The following SHANK2 variants were observed in gnomAD, a reference collection of about 807,000 sequenced individuals.
SHANK2 encodes SH3 and multiple ankyrin repeat domains 2, also known as SH3 and multiple ankyrin repeat domains protein 2.
In SHANK2, 43 loss-of-function variants were observed where a neutral mutation model predicts 133.7. The observed-to-expected ratio is 0.32, with a 90% CI of 0.25 to 0.41. SHANK2 has a LOEUF of 0.41. Ranked by LOEUF, SHANK2 falls within the 10% of genes least tolerant of loss-of-function variation. The pLI, the probability that SHANK2 is intolerant of heterozygous loss-of-function variation, is 1.00. For synonymous variants in SHANK2, 1,017 were observed against 952.8 expected (o/e 1.07, Z -1.24); for missense variants, 1,994 against 2,235.8 (o/e 0.89, Z 2.18).
chr11:70,838,659 G>T (rs1555060698), intron 11 of SHANK2, among the ~76,000 whole-genome samples: 1 of 152,086 alleles, frequency 6.6e-6, no homozygotes, highest in East Asian at 1.9e-4. Context: ...CTCTCCTGTG[G>T]AAGAAATTAC....
intron 8 of SHANK2, among the ~76,000 whole-genome samples, chr11:71,087,919 G>A (rs992759226): frequency 6.6e-6 from 1 of 152,106 alleles, no homozygotes; most frequent in Non-Finnish European, 1.5e-5. Flanking sequence ...GTGAGCCACC[G>A]CACCTGGCTG....
intron 2 of SHANK2, among the ~76,000 whole-genome samples, chr11:71,186,427 T>G (rs904935836): frequency 2.0e-5 from 3 of 152,200 alleles, no homozygotes; most frequent in African/African-American, 7.2e-5. Flanking sequence ...CAGGAGTCCA[T>G]GTTGGAGACA....
At chr11:70,894,222 T>C (rs1555075258) in intron 11 of SHANK2, among the ~76,000 whole-genome samples, 1 of 151,964 alleles carries the variant, frequency 6.6e-6, no homozygotes, top group Non-Finnish European at 1.5e-5. Flanking sequence ...TGAGACAGAG[T>C]TTAGCTCTTG....
At chr11:71,250,547 G>A (rs990466029) in intron 1 of SHANK2, among the ~76,000 whole-genome samples, 3 of 152,174 alleles carry the variant, frequency 2.0e-5, no homozygotes, top group Non-Finnish European at 4.4e-5. Flanking sequence ...CCCAGATGGG[G>A]GCCGAGCTCG....
chr11:71,182,721 G>T (rs1555113953), intron 2 of SHANK2, among the ~76,000 whole-genome samples: 2 of 152,138 alleles, frequency 1.3e-5, no homozygotes, highest in East Asian at 3.9e-4. Flanking sequence ...CAGGTCGAGG[G>T]GTTAGGACTT....
intron 2 of SHANK2, among the ~76,000 whole-genome samples, chr11:71,180,554 GAAAA>G (rs1308204017): frequency 1.3e-5 from 2 of 151,666 alleles, no homozygotes; most frequent in Admixed American, 1.3e-4. Context: ...AAGAAAAAAA[GAAAA>G]AAAACCCCAC....
At chr11:70,947,594 G>T (rs1555085696) in intron 10 of SHANK2, among the ~76,000 whole-genome samples, 2 of 152,124 alleles carry the variant, frequency 1.3e-5, no homozygotes, top group African/African-American at 4.8e-5. Context: ...TTGACCTCCT[G>T]ACCTCAGGTG....
chr11:71,076,836 G>C (rs1196003877), intron 8 of SHANK2, among the ~76,000 whole-genome samples: 1 of 152,242 alleles, frequency 6.6e-6, no homozygotes, highest in Non-Finnish European at 1.5e-5. Context: ...GCTGACCTTA[G>C]AGAAGCTACC....
At chr11:70,813,248 C>A (rs1184392774) in intron 12 of SHANK2, among the ~76,000 whole-genome samples, 1 of 152,030 alleles carries the variant, frequency 6.6e-6, no homozygotes, top group Non-Finnish European at 1.5e-5. Context: ...ACAGGGCCTA[C>A]CCACAAAAGG....
At position 70,473,682 on chromosome 11, in the gene SHANK2, G is replaced by A; in HGVS notation, c.4980-243C>T. 1.7e-6 allele frequency: 1 copy of A among 601,286 alleles called. No homozygotes were observed. Among genetic ancestry groups the A allele is most frequent in the South Asian group, 1.8e-5 (1 of 56,184 alleles). 37.2% of individuals were successfully genotyped at this position (601,286 alleles called of 1,614,324 possible). A position where few individuals can be genotyped will look rare whatever the true frequency, so the allele number is the denominator to read the frequency against. ...GCCCACTCACCTGAACTGGGACAGA[G>A]GGGCTGGGGGACCTGCCTGTGCTGG... On this transcript the variant is annotated intron_variant, in intron 25 of 25. Coordinates refer to ENST00000601538, the MANE Select transcript of SHANK2 (RefSeq NM_012309.5). The surrounding 1 kb of genome is among the most constrained non-coding windows in gnomAD (Gnocchi z 5.9).
At chr11:71,156,676 T>C (rs1952911995) in intron 2 of SHANK2, among the ~76,000 whole-genome samples, 1 of 152,196 alleles carries the variant, frequency 6.6e-6, no homozygotes, top group Admixed American at 6.5e-5. Flanking sequence ...GACACATACA[T>C]TTGTGAAATG....
intron 11 of SHANK2, among the ~76,000 whole-genome samples, chr11:70,839,778 T>C (rs1948875368): frequency 1.3e-5 from 2 of 152,214 alleles, no homozygotes; most frequent in South Asian, 2.1e-4. Flanking sequence ...GTGAGGCTGG[T>C]TCTCCACCTC....
chr11:70,621,523 G>A (rs2060829167), intron 17 of SHANK2, among the ~76,000 whole-genome samples: 1 of 152,234 alleles, frequency 6.6e-6, no homozygotes, highest in African/African-American at 2.4e-5. Flanking sequence ...GCGAGGACGT[G>A]GCCCATGGCA....
intron 14 of SHANK2, among the ~76,000 whole-genome samples, chr11:70,794,995 CA>C (rs1384230239): frequency 7.9e-5 from 12 of 152,038 alleles, no homozygotes; most frequent in Non-Finnish European, 1.8e-4. Context: ...GAAGATAATA[CA>C]AAAGAAGGTG....
At chr11:70,881,786 G>A (rs543297498) in intron 11 of SHANK2, among the ~76,000 whole-genome samples, 13 of 151,000 alleles carry the variant, frequency 8.6e-5, no homozygotes, top group Admixed American at 2.0e-4. Context: ...CTACAGTGCC[G>A]TGGCCCCATC....
chr11:70,831,913 C>T (rs534458076), intron 11 of SHANK2, among the ~76,000 whole-genome samples: 1 of 152,356 alleles, frequency 6.6e-6, no homozygotes, highest in African/African-American at 2.4e-5. Context: ...CCCCCTGCAG[C>T]CATGGGCCGG....
chr11:70,653,134 G>C (rs966043834), intron 17 of SHANK2, among the ~76,000 whole-genome samples: 1 of 151,818 alleles, frequency 6.6e-6, no homozygotes, highest in African/African-American at 2.4e-5. Context: ...CACCACACCC[G>C]GCTAATTTTT....
rs992885710 is a variant in SHANK2, at chr11:70,591,711, C to T, written c.2061+68117G>A. On this transcript the variant is annotated intron_variant, in intron 17 of 25. Coordinates refer to ENST00000601538, the MANE Select transcript of SHANK2 (RefSeq NM_012309.5). Reference sequence around the variant, plus strand: ...CCTGAGCTACACTGATCTCCTGAAACATTTTTTAAAATGCAGAGATGTGGG... The same window carrying T: ...CCTGAGCTACACTGATCTCCTGAAATATTTTTTAAAATGCAGAGATGTGGG... Among the ~76,000 whole-genome samples the T allele has an allele frequency of 2.6e-5, 4 of 152,254 alleles. No homozygotes were observed. In the East Asian group the frequency reaches 7.8e-4, roughly 30 times the overall value.
At chr11:70,509,199 G>A (rs1382758824) in intron 17 of SHANK2, among the ~76,000 whole-genome samples, 1 of 152,238 alleles carries the variant, frequency 6.6e-6, no homozygotes, top group East Asian at 1.9e-4. Context: ...CCTGAGGACT[G>A]TTCTATTGCA....
Sources: allele counts gnomAD v4.1 joint callset (sites outside exome capture counted in the v4.1 genomes callset), GRCh38; gene constraint gnomAD v4.1.1; non-coding constraint Gnocchi (gnomAD v3.1); transcripts MANE v1.5; gene names NCBI Gene and HGNC (gene_info 2026-07-23, HGNC 2026-07-21).